MAPRE2: variants seen among roughly 807,000 people sequenced by gnomAD.
The protein encoded by MAPRE2 is microtubule-associated protein RP/EB family member 2.
A neutral mutation model predicts 43.2 loss-of-function variants in MAPRE2; 13 were observed. The ratio of observed to expected loss-of-function variants is 0.30; its 90% confidence interval spans 0.20 to 0.48. The LOEUF (loss-of-function observed/expected upper bound fraction) is 0.48, where lower values mean the gene tolerates loss of function less well. Among genes scored for constraint, MAPRE2 ranks in the 20% least tolerant of loss-of-function variants. MAPRE2 has a pLI of 0.99. For synonymous variants in MAPRE2, 135 were observed against 148.8 expected (o/e 0.91, Z 0.68); for missense variants, 161 against 400.2 (o/e 0.40, Z 5.10).
At chr18:34,979,453 C>A (rs2097014938) in intron 1 of MAPRE2, among the ~76,000 whole-genome samples, 1 of 152,144 alleles carries the variant, frequency 6.6e-6, no homozygotes, top group South Asian at 2.1e-4. Flanking sequence ...TCAGGATCTA[C>A]TTGCTTGCAG....
At chr18:35,093,819 TTAGG>T (rs1204763546) in intron 2 of MAPRE2, among the ~76,000 whole-genome samples, 1 of 151,988 alleles carries the variant, frequency 6.6e-6, no homozygotes, top group African/African-American at 2.4e-5. Flanking sequence ...AAAGTTACAG[TTAGG>T]TAGGAGGAAT....
chr18:35,071,295 C>T (rs577369048), intron 2 of MAPRE2, among the ~76,000 whole-genome samples: 26 of 134,502 alleles, frequency 1.9e-4, no homozygotes, highest in South Asian at 7.2e-4. Flanking sequence ...ATGGGAGGAT[C>T]GCTTGAGCCC....
At chr18:35,126,827 G>A (rs1453129071) in intron 4 of MAPRE2, 121 bp from the exon 5 acceptor site, 1 of 773,972 alleles carries the variant, frequency 1.3e-6, no homozygotes, top group Non-Finnish European at 2.1e-6. Flanking sequence ...ATATGGGAAG[G>A]GATCACTGGA....
At chr18:35,116,164 C>A (rs1298247774) in intron 4 of MAPRE2, among the ~76,000 whole-genome samples, 3 of 152,112 alleles carry the variant, frequency 2.0e-5, no homozygotes, top group African/African-American at 7.2e-5. Context: ...ATAAAGGTTT[C>A]TGAAAAAAGT....
At chr18:35,087,680 T>C (rs1907940741) in intron 2 of MAPRE2, among the ~76,000 whole-genome samples, 1 of 152,168 alleles carries the variant, frequency 6.6e-6, no homozygotes, top group South Asian at 2.1e-4. Flanking sequence ...TTATGCCAGG[T>C]ACTGTATTAA....
intron 2 of MAPRE2, among the ~76,000 whole-genome samples, chr18:35,026,403 G>T (rs1439556758): frequency 1.3e-5 from 2 of 152,148 alleles, no homozygotes; most frequent in African/African-American, 2.4e-5. Context: ...GCATGCCTCT[G>T]ACCTGCTTAT....
chr18:35,031,144 G>C (rs182922190), intron 2 of MAPRE2, among the ~76,000 whole-genome samples: 45 of 152,164 alleles, frequency 3.0e-4, no homozygotes, highest in Non-Finnish European at 6.2e-4. Context: ...CTTATATATT[G>C]TCTGTCTCCT....
At chr18:35,078,058 G>A (rs948328142) in intron 2 of MAPRE2, among the ~76,000 whole-genome samples, 2 of 152,118 alleles carry the variant, frequency 1.3e-5, no homozygotes, top group Non-Finnish European at 2.9e-5. Context: ...AACAGGAAGA[G>A]TGTAAATTTG....
intron 2 of MAPRE2, among the ~76,000 whole-genome samples, chr18:35,032,436 T>TA (rs987199522): frequency 6.6e-5 from 10 of 152,160 alleles, no homozygotes; most frequent in African/African-American, 2.4e-4. Flanking sequence ...TCTGCTATCA[T>TA]AGTTGAGAAT....
chr18:35,040,662 T>G (rs529891285), upstream of MAPRE2, among the ~76,000 whole-genome samples: 10 of 152,346 alleles, frequency 6.6e-5, no homozygotes, highest in South Asian at 4.1e-4. Flanking sequence ...AGAATAAATG[T>G]CAATGAATTA....
intron 1 of MAPRE2, among the ~76,000 whole-genome samples, chr18:34,993,546 T>C (rs1200351131): frequency 1.3e-5 from 2 of 152,176 alleles, no homozygotes; most frequent in Admixed American, 1.3e-4. Context: ...AAGACTGTAG[T>C]TGAGTCATGC....
chr18:34,983,037 C>A (rs2097017221), intron 1 of MAPRE2, among the ~76,000 whole-genome samples: 1 of 152,030 alleles, frequency 6.6e-6, no homozygotes, highest in South Asian at 2.1e-4. Context: ...GACTGTATGC[C>A]CACAAAACCT....
chr18:35,118,795 C>T (rs962361017), intron 4 of MAPRE2, among the ~76,000 whole-genome samples: 2 of 152,192 alleles, frequency 1.3e-5, no homozygotes, highest in Non-Finnish European at 2.9e-5. Context: ...GTATCCCATT[C>T]TTACCCTGCC....
At chr18:35,008,213 G>A (rs2097032751) in intron 2 of MAPRE2, among the ~76,000 whole-genome samples, 1 of 152,042 alleles carries the variant, frequency 6.6e-6, no homozygotes. Flanking sequence ...GAGTCTTAGT[G>A]TTAAATACTG....
intron 2 of MAPRE2, among the ~76,000 whole-genome samples, chr18:35,015,641 T>A (rs1220073263): frequency 2.5e-5 from 3 of 120,850 alleles, no homozygotes; most frequent in Non-Finnish European, 5.2e-5. Context: ...GCAGTGTGTG[T>A]GTGTGTGTGT....
intron 4 of MAPRE2, among the ~76,000 whole-genome samples, chr18:35,125,374 A>T: frequency 6.6e-6 from 1 of 152,278 alleles, no homozygotes; most frequent in East Asian, 1.9e-4. Context: ...AATAAACTGT[A>T]AAATTGGAAA....
intron 2 of MAPRE2, among the ~76,000 whole-genome samples, chr18:35,076,715 C>T (rs1907374232): frequency 6.6e-6 from 1 of 152,192 alleles, no homozygotes; most frequent in African/African-American, 2.4e-5. Flanking sequence ...GATCTCATCA[C>T]ATGAGTATGT....
intron 4 of MAPRE2, among the ~76,000 whole-genome samples, chr18:35,118,586 G>A (rs918370734): frequency 7.9e-5 from 12 of 152,154 alleles, no homozygotes; most frequent in African/African-American, 2.9e-4. Flanking sequence ...AATTACTGCA[G>A]TAGCCACCTA....
intron 2 of MAPRE2, among the ~76,000 whole-genome samples, chr18:35,074,440 TA>T (rs1367719050): frequency 7.2e-5 from 11 of 152,078 alleles, no homozygotes; most frequent in Non-Finnish European, 4.4e-5. Flanking sequence ...ATAGAGAAGA[TA>T]GGGGACTTAG....
Sources: gnomAD v4.1 joint callset for allele counts (sites outside exome capture counted in the v4.1 genomes callset) on GRCh38, gnomAD v4.1.1 for gene constraint, MANE v1.5 for transcripts, NCBI Gene and HGNC (gene_info 2026-07-23, HGNC 2026-07-21) for gene names.